Variants in ZC2HC1B observed in about 807,000 individuals in gnomAD.
The protein encoded by ZC2HC1B is zinc finger C2HC domain-containing protein 1B.
In ZC2HC1B, 36 loss-of-function variants were observed where a neutral mutation model predicts 31.0. That is an observed-to-expected ratio of 1.16 (90% CI 0.89 to 1.54). The LOEUF is 1.54. Ranked by LOEUF, ZC2HC1B falls within the 40% of genes most tolerant of loss-of-function variation. The pLI, the probability that ZC2HC1B is intolerant of heterozygous loss-of-function variation, is 0.00. For synonymous variants in ZC2HC1B, 73 were observed against 88.0 expected, an observed-to-expected ratio of 0.83 and a Z score of 0.95; for missense variants, 260 against 268.6, an observed-to-expected ratio of 0.97 and a Z score of 0.22.
rs1777764425 is a variant in ZC2HC1B, at chr6:143,903,891, C to T, written c.598+739C>T. Among the ~76,000 whole-genome samples, 1 of 152,156 alleles carries T rather than the reference C, an allele frequency of 6.6e-6. No homozygotes were observed. Among genetic ancestry groups the T allele is most frequent in the African/African-American group, 2.4e-5 (1 of 41,424 alleles). Reference sequence around the variant, plus strand: ...TGTATTATTTTTTATTATTGGTACACTTGGGTTTTATTTATCTATTTATTT... The same window carrying T: ...TGTATTATTTTTTATTATTGGTACATTTGGGTTTTATTTATCTATTTATTT... On this transcript the variant is annotated intron_variant, in intron 6 of 7. Coordinates refer to ENST00000237275, the MANE Select transcript of ZC2HC1B (RefSeq NM_001013623.3). The surrounding 1 kb of genome is among the most constrained non-coding windows in gnomAD (Gnocchi z 4.3).
chr6:143,930,381 CTTTTT>C (rs34308015), intron 6 of ZC2HC1B, among the ~76,000 whole-genome samples: 1 of 111,782 alleles, frequency 8.9e-6, no homozygotes. Context: ...TTGAGAGTTT[CTTTTT>C]TTTTTTTTTT....
At chr6:143,893,032 A>C (rs1777619143) in intron 4 of ZC2HC1B, among the ~76,000 whole-genome samples, 1 of 152,154 alleles carries the variant, frequency 6.6e-6, no homozygotes, top group Non-Finnish European at 1.5e-5. Context: ...CAAGTTACAG[A>C]CTGGGAGAAA....
intron 1 of ZC2HC1B, among the ~76,000 whole-genome samples, chr6:143,866,445 A>G (rs1408127992): frequency 1.3e-5 from 2 of 152,230 alleles, no homozygotes; most frequent in Admixed American, 1.3e-4. Flanking sequence ...GCCCAGCATC[A>G]CGAGAGGATT....
intron 6 of ZC2HC1B, among the ~76,000 whole-genome samples, chr6:143,926,809 A>G (rs1310697251): frequency 7.3e-6 from 1 of 137,660 alleles, no homozygotes; most frequent in Non-Finnish European, 1.6e-5. Context: ...AAGTTCATAT[A>G]TATTTAGAAT....
At chr6:143,902,135 C>G (rs2128495167) in intron 5 of ZC2HC1B, among the ~76,000 whole-genome samples, 2 of 152,280 alleles carry the variant, frequency 1.3e-5, no homozygotes, top group South Asian at 4.1e-4. Flanking sequence ...AATTCCTTCA[C>G]TCACTGTAGA....
In ZC2HC1B at chr6:143,921,220, A is replaced by G. The variant is rs1056301345; in HGVS notation, c.599-16429A>G. ...GTGTCGCCTCAGTGAGACTTCTCCA[A>G]CCTCTGTATTTAAAACTAACCAAGC... On this transcript the variant is annotated intron_variant, in intron 6 of 7. Transcript: ENST00000237275. The surrounding 1 kb of genome is among the most constrained non-coding windows in gnomAD (Gnocchi z 6.1). 6.6e-6 allele frequency among the ~76,000 whole-genome samples: 1 copy of G among 152,120 alleles called. No homozygotes were observed. The highest frequency in any genetic ancestry group is 2.4e-5 in the African/African-American group (1 of 41,418).
At chr6:143,926,058 T>G (rs996674519) in intron 6 of ZC2HC1B, among the ~76,000 whole-genome samples, 3 of 152,206 alleles carry the variant, frequency 2.0e-5, no homozygotes, top group Admixed American at 1.3e-4. Context: ...TGTTTATCTT[T>G]TCAAAAAACT....
In ZC2HC1B at chr6:143,886,268, A is replaced by G. The variant is rs1402773107; in HGVS notation, c.210+117A>G. The G allele has an allele frequency of 8.9e-7, 1 of 1,126,112 alleles. No individual in the cohort carries two copies. The highest frequency in any genetic ancestry group is 1.1e-6 in the Non-Finnish European group (1 of 871,388). 69.8% of individuals were successfully genotyped at this position (1,126,112 alleles called of 1,614,324 possible). A position where few individuals can be genotyped will look rare whatever the true frequency, so the allele number is the denominator to read the frequency against. ...AATACAGTAATGTAATGTAACTGTA[A>G]TCCACCTTTACTTTTTTCTTTATAA... On this transcript the variant is annotated intron_variant, in intron 3 of 7. Transcript: ENST00000237275. The surrounding 1 kb of genome is among the most constrained non-coding windows in gnomAD (Gnocchi z 4.2).
At chr6:143,890,912 G>T (rs189625182) in intron 4 of ZC2HC1B, among the ~76,000 whole-genome samples, 1 of 150,742 alleles carries the variant, frequency 6.6e-6, no homozygotes, top group African/African-American at 2.4e-5. Context: ...GGTGGATCAC[G>T]AGGTCAGGTG....
chr6:143,925,165 CTTTTTTTTTTTTTT>C (rs71024879), intron 6 of ZC2HC1B, among the ~76,000 whole-genome samples: 35,639 of 104,954 alleles, frequency 0.34, 4,525 homozygotes, highest in South Asian at 0.45. Flanking sequence ...AATCTCATTC[CTTTTTTTTTTTTTT>C]TTTTTTTTTT....
chr6:143,881,377 C>T (rs993773659), intron 1 of ZC2HC1B, among the ~76,000 whole-genome samples: 1 of 151,254 alleles, frequency 6.6e-6, no homozygotes, highest in Non-Finnish European at 1.5e-5. Context: ...ATAGTGAGAC[C>T]CCGTCTCCAC....
At chr6:143,912,156 C>T (rs959425064) in intron 6 of ZC2HC1B, among the ~76,000 whole-genome samples, 6 of 152,132 alleles carry the variant, frequency 3.9e-5, no homozygotes, top group Admixed American at 1.3e-4. Context: ...TTTGGGCTCT[C>T]GGCTCCTGTA....
intron 6 of ZC2HC1B, among the ~76,000 whole-genome samples, chr6:143,930,422 T>C (rs1562349498): frequency 6.7e-6 from 1 of 149,060 alleles, no homozygotes; most frequent in East Asian, 2.0e-4. Context: ...AGTCTTGCTC[T>C]GTCGCCCAGG....
intron 6 of ZC2HC1B, among the ~76,000 whole-genome samples, chr6:143,909,434 T>C (rs1777834069): frequency 6.6e-6 from 1 of 151,772 alleles, no homozygotes; most frequent in Non-Finnish European, 1.5e-5. Context: ...AGATTCCCCC[T>C]CCTTTTCAAT....
At chr6:143,907,561 G>C (rs1777811035) in intron 6 of ZC2HC1B, among the ~76,000 whole-genome samples, 1 of 152,040 alleles carries the variant, frequency 6.6e-6, no homozygotes, top group Admixed American at 6.6e-5. Context: ...TATGTTTGTT[G>C]GCTGCATGTA....
At chr6:143,896,587 C>A (rs1244700162) in intron 4 of ZC2HC1B, among the ~76,000 whole-genome samples, 1 of 152,178 alleles carries the variant, frequency 6.6e-6, no homozygotes, top group Non-Finnish European at 1.5e-5. Context: ...TTCCTTATAG[C>A]AATAGCTAGC....
At chr6:143,935,644 C>CTTT (rs1255795364) in intron 6 of ZC2HC1B, among the ~76,000 whole-genome samples, 31 of 81,626 alleles carry the variant, frequency 3.8e-4, no homozygotes, top group South Asian at 1.1e-3. Context: ...CTTGGTATCA[C>CTTT]TCTTTTTTTT....
rs963273529 is a variant in ZC2HC1B at position 143,924,223 on chromosome 6, T to G, written c.599-13426T>G. On this transcript the variant is annotated intron_variant, in intron 6 of 7. Coordinates refer to ENST00000237275, the MANE Select transcript of ZC2HC1B (RefSeq NM_001013623.3). This position sits in a 1 kb window ranked among gnomAD's most constrained non-coding sequence, Gnocchi z 5.2. ...TTGTAGCTATTGTAAATGAGATTGT[T>G]TTCTTTTTTAGCCAGTTTATTATTG... Among the ~76,000 whole-genome samples the G allele has an allele frequency of 5.9e-5, 9 of 152,020 alleles. No individual in the cohort carries two copies. Among genetic ancestry groups the G allele is most frequent in the African/African-American group, 1.9e-4 (8 of 41,444 alleles).
At chr6:143,891,720 G>GA (rs946227828) in intron 4 of ZC2HC1B, among the ~76,000 whole-genome samples, 57 of 148,884 alleles carry the variant, frequency 3.8e-4, no homozygotes, top group South Asian at 2.6e-3. Flanking sequence ...AAAGAAAAAA[G>GA]AAAAAAAAGA....
Sources: gnomAD v4.1 joint callset for allele counts (sites outside exome capture counted in the v4.1 genomes callset) on GRCh38, gnomAD v4.1.1 for gene constraint, Gnocchi (gnomAD v3.1) non-coding constraint, MANE v1.5 for transcripts, NCBI Gene and HGNC (gene_info 2026-07-23, HGNC 2026-07-21) for gene names.